Variants in SLC15A5 observed in about 807,000 individuals in gnomAD.
SLC15A5 encodes solute carrier family 15 member 5, also known as Peptide/histidine transporter ENSP00000340402.
Under a neutral mutation model 56.1 loss-of-function variants are expected in SLC15A5, and 58 were observed. The observed-to-expected ratio is 1.03, with a 90% confidence interval of 0.84 to 1.29. The LOEUF is 1.29. Ranked by LOEUF, SLC15A5 falls within the 50% of genes most tolerant of loss-of-function variation. SLC15A5 has a pLI of 0.00. For missense variants in SLC15A5, 681 were observed against 672.1 expected (o/e 1.01, Z -0.15); for synonymous variants, 264 against 250.5 (o/e 1.05, Z -0.51).
intron 5 of SLC15A5, among the ~76,000 whole-genome samples, chr12:16,226,000 A>T (rs940403047): frequency 7.2e-5 from 11 of 152,334 alleles, no homozygotes; most frequent in African/African-American, 2.6e-4. Flanking sequence ...CTCAGCTCCA[A>T]GGTGGAGTTA....
chr12:16,193,181 G>A (rs973006539), intron 8 of SLC15A5, among the ~76,000 whole-genome samples: 3 of 152,028 alleles, frequency 2.0e-5, no homozygotes, highest in African/African-American at 7.2e-5. Context: ...GGACCTTTCT[G>A]CAAAACTTTC....
rs11611696 is a variant in SLC15A5 at position 16,196,301 on chromosome 12, A to G, written c.1484-1848T>C. ...CTGTATCTGGTGTTTAGATGAGTAA[A>G]TGAAGTTCACTGAATGTTTCTCTAT... On this transcript the variant is annotated intron_variant, in intron 7 of 8. Transcript: ENST00000344941. The surrounding 1 kb of genome is among the most constrained non-coding windows in gnomAD (Gnocchi z 4.0). Among the ~76,000 whole-genome samples the G allele has an allele frequency of 0.17, 25,624 of 152,046 alleles. 2,495 individuals carry two copies. Among genetic ancestry groups the G allele is most frequent in the Middle Eastern group, 0.23 (67 of 294 alleles).
intron 7 of SLC15A5, 79 bp downstream of exon 7, chr12:16,216,814 C>T (rs891390629): frequency 2.4e-6 from 3 of 1,274,588 alleles, no homozygotes; most frequent in South Asian, 3.4e-5. Context: ...ACTGACAAAG[C>T]CCCTTTCTTA....
At chr12:16,272,472 G>C in intron 2 of SLC15A5, 89 bp downstream of exon 2, 1 of 1,212,410 alleles carries the variant, frequency 8.2e-7, no homozygotes, top group Non-Finnish European at 1.2e-6. Flanking sequence ...TCATCACAAA[G>C]ACTGAGCAAC....
At chr12:16,216,007 G>A (rs1163622314) in intron 7 of SLC15A5, among the ~76,000 whole-genome samples, 4 of 152,138 alleles carry the variant, frequency 2.6e-5, no homozygotes, top group African/African-American at 9.7e-5. Flanking sequence ...CTCATTCATA[G>A]AAGTTGATTT....
At chr12:16,257,184 T>C (rs1173907714) in intron 3 of SLC15A5, among the ~76,000 whole-genome samples, 1 of 152,090 alleles carries the variant, frequency 6.6e-6, no homozygotes, top group Non-Finnish European at 1.5e-5. Flanking sequence ...TCAAATGGAA[T>C]TTAACTTTTA....
intron 7 of SLC15A5, among the ~76,000 whole-genome samples, chr12:16,215,548 C>G (rs1591644709): frequency 1.3e-5 from 2 of 152,300 alleles, no homozygotes; most frequent in Middle Eastern, 6.8e-3. Context: ...TGCTTTGTCT[C>G]TAGCTTATGT....
At chr12:16,247,903 G>A (rs1344775768) in intron 3 of SLC15A5, among the ~76,000 whole-genome samples, 2 of 152,102 alleles carry the variant, frequency 1.3e-5, no homozygotes, top group African/African-American at 2.4e-5. Context: ...CCTAGTAGCT[G>A]CATGGATAAT....
At position 16,218,997 on chromosome 12, in the gene SLC15A5, G is replaced by A. The variant is rs184947368; in HGVS notation, c.1352-1973C>T. 2.0e-3 allele frequency among the ~76,000 whole-genome samples: 309 copies of A among 152,116 alleles called. 1 individual carries two copies. Among genetic ancestry groups the A allele is most frequent in the African/African-American group, 7.0e-3 (291 of 41,522 alleles). On this transcript the variant is annotated intron_variant, in intron 6 of 8. Coordinates refer to ENST00000344941, the MANE Select transcript of SLC15A5 (RefSeq NM_001170798.1). ...TTCTGTTTTACTTTCGGTGTGTCCT[G>A]CACATGTCTTGATTTATTTATCCCA... is the stretch of plus-strand genomic sequence containing the variant.
intron 3 of SLC15A5, among the ~76,000 whole-genome samples, chr12:16,249,912 C>T: frequency 6.6e-6 from 1 of 151,880 alleles, no homozygotes; most frequent in East Asian, 1.9e-4. Context: ...ACATTTTCTT[C>T]TTTTTTTGCT....
chr12:16,214,020 G>A (rs1233259782), intron 7 of SLC15A5, among the ~76,000 whole-genome samples: 1 of 152,178 alleles, frequency 6.6e-6, no homozygotes, highest in South Asian at 2.1e-4. Flanking sequence ...TGAAATCAAT[G>A]TTGGAACTGG....
chr12:16,210,340 G>A (rs1228532000), intron 7 of SLC15A5, among the ~76,000 whole-genome samples: 1 of 119,774 alleles, frequency 8.3e-6, no homozygotes, highest in Non-Finnish European at 1.8e-5. Flanking sequence ...GAATCTCAGA[G>A]CACTTTCTAA....
At position 16,277,647 on chromosome 12, in the gene SLC15A5, T is replaced by C. The variant is rs1441453441; in HGVS notation, c.39A>G (p.Val13=). ...CCTTCTCAATGCTGTGATATAAGTG[T>C]ACTTTCTCATCAGTTATGGTAAAGC... ...VTGFTITDEK[V]HLYHSIEKEK... The change falls in exon 1 of 9, where the codon GTA becomes GTG. Residue 13 remains valine, a synonymous_variant. Transcript: ENST00000344941. 14 of 1,535,776 alleles carry C rather than the reference T, an allele frequency of 9.1e-6. No individual in the cohort carries two copies. The highest frequency in any genetic ancestry group is 3.3e-4 in the Middle Eastern group (2 of 5,996).
chr12:16,216,777 A>G (rs1050904104), intron 7 of SLC15A5, 116 bp downstream of exon 7: 1 of 847,778 alleles, frequency 1.2e-6, no homozygotes, highest in African/African-American at 1.7e-5. Flanking sequence ...CTTAATTGCA[A>G]AAGTGGATCA....
intron 3 of SLC15A5, among the ~76,000 whole-genome samples, chr12:16,246,639 G>A (rs1464884354): frequency 2.0e-5 from 3 of 152,104 alleles, no homozygotes; most frequent in African/African-American, 4.8e-5. Context: ...AGTACTTGCA[G>A]GATGAAAGAT....
intron 3 of SLC15A5, among the ~76,000 whole-genome samples, chr12:16,249,384 C>T (rs1044818915): frequency 2.6e-5 from 4 of 152,074 alleles, no homozygotes; most frequent in Admixed American, 6.6e-5. Context: ...ACACACCTCA[C>T]TAAAGGAAAG....
intron 2 of SLC15A5, among the ~76,000 whole-genome samples, chr12:16,270,049 T>C (rs972503708): frequency 1.3e-5 from 2 of 152,204 alleles, no homozygotes; most frequent in African/African-American, 4.8e-5. Context: ...CAGATTATTA[T>C]GTCTCTTGAT....
intron 7 of SLC15A5, among the ~76,000 whole-genome samples, chr12:16,206,353 T>C (rs1009056572): frequency 2.0e-5 from 3 of 152,246 alleles, no homozygotes; most frequent in African/African-American, 7.2e-5. Context: ...AACTGACACT[T>C]AATAAATGTT....
At chr12:16,240,319 T>G (rs891623676) in intron 4 of SLC15A5, among the ~76,000 whole-genome samples, 2 of 152,122 alleles carry the variant, frequency 1.3e-5, no homozygotes, top group African/African-American at 4.8e-5. Flanking sequence ...GCATCTAGTT[T>G]GGTGGCAATA....
Sources: allele counts gnomAD v4.1 joint callset (sites outside exome capture counted in the v4.1 genomes callset), GRCh38; gene constraint gnomAD v4.1.1; non-coding constraint Gnocchi (gnomAD v3.1); transcripts MANE v1.5; gene names NCBI Gene and HGNC (gene_info 2026-07-23, HGNC 2026-07-21).